The following MSANTD1 variants were observed in gnomAD, a reference collection of about 807,000 sequenced individuals.
MSANTD1 encodes the protein Myb/SANT DNA binding domain containing 1.
A neutral mutation model predicts 24.2 loss-of-function variants in MSANTD1; 7 were observed. The ratio of observed to expected loss-of-function variants is 0.29; its 90% CI spans 0.16 to 0.54. MSANTD1 has a LOEUF of 0.54. Among genes scored for constraint, MSANTD1 ranks in the 20% least tolerant of loss-of-function variants. The pLI is 0.94. For missense variants in MSANTD1, 384 were observed against 408.2 expected, an observed-to-expected ratio of 0.94 and a Z score of 0.51; for synonymous variants, 177 against 181.1, an observed-to-expected ratio of 0.98 and a Z score of 0.18.
intron 1 of MSANTD1, among the ~76,000 whole-genome samples, chr4:3,251,693 CTTT>C (rs59741098): frequency 7.3e-6 from 1 of 137,584 alleles, no homozygotes; most frequent in Non-Finnish European, 1.6e-5. Flanking sequence ...TTTTCTTTTT[CTTT>C]TTTTTTTTTT....
At chr4:3,247,083 C>T (rs554741968), upstream of MSANTD1, among the ~76,000 whole-genome samples, 3 of 152,250 alleles carry the variant, frequency 2.0e-5, no homozygotes, top group East Asian at 5.8e-4. Context: ...GGACAGTAGG[C>T]CTGACGCTGT....
At position 3,253,457 on chromosome 4, in the gene MSANTD1, T is replaced by C. The variant is rs769176922; in HGVS notation, c.571T>C (p.Ser191Pro). Reference protein sequence around the residue: ...RFEDDRSDSSSSLLSLKFRSE... With the variant: ...RFEDDRSDSSPSLLSLKFRSE... ...CGAGGATGATCGCTCCGACAGCTCCTCCAGCTTACTGTCCCTTAAGTTCAG... is the reference window on the plus strand; with the variant it reads ...CGAGGATGATCGCTCCGACAGCTCCCCCAGCTTACTGTCCCTTAAGTTCAG... The change falls in exon 2 of 3, where the codon TCC (serine) becomes CCC (proline). Residue 191 changes from serine to proline, a missense_variant. Coordinates refer to ENST00000438480, the MANE Select transcript of MSANTD1 (RefSeq NM_001042690.2). 6.4e-7 allele frequency: 1 copy of C among 1,572,068 alleles called. No individual in the cohort carries two copies. Among genetic ancestry groups the C allele is most frequent in the Non-Finnish European group, 8.7e-7 (1 of 1,154,120 alleles).
chr4:3,252,517 G>A (rs1448079601), intron 1 of MSANTD1, among the ~76,000 whole-genome samples: 1 of 152,234 alleles, frequency 6.6e-6, no homozygotes, highest in Middle Eastern at 3.2e-3. Context: ...AACCAAGAAT[G>A]GCATGGGAGC....
At chr4:3,255,054 C>T (rs917586532) in intron 2 of MSANTD1, among the ~76,000 whole-genome samples, 1 of 152,172 alleles carries the variant, frequency 6.6e-6, no homozygotes, top group African/African-American at 2.4e-5. Flanking sequence ...GGCTGAGCCC[C>T]CACCTGCCCA....
chr4:3,250,644 C>T (rs990288015), intron 1 of MSANTD1, among the ~76,000 whole-genome samples: 4 of 152,184 alleles, frequency 2.6e-5, no homozygotes, highest in East Asian at 1.9e-4. Context: ...AGAGAGCACC[C>T]GGCCCTGTGG....
chr4:3,250,991 G>A (rs1722209219), intron 1 of MSANTD1, among the ~76,000 whole-genome samples: 1 of 152,262 alleles, frequency 6.6e-6, no homozygotes, highest in Non-Finnish European at 1.5e-5. Context: ...AGGGGTCCGG[G>A]GCCTGGCCCT....
chr4:3,251,677 TTTTTTTTTTCTTTTTC>T (rs1198736955), intron 1 of MSANTD1, among the ~76,000 whole-genome samples: 6 of 147,330 alleles, frequency 4.1e-5, no homozygotes, highest in African/African-American at 1.3e-4. Flanking sequence ...GAGGCTTTTC[TTTTTTTTTTCTTTTTC>T]TTTTTTTTTT....
intron 1 of MSANTD1, among the ~76,000 whole-genome samples, chr4:3,252,041 C>T (rs187069029): frequency 6.6e-5 from 10 of 152,364 alleles, no homozygotes; most frequent in East Asian, 1.9e-4. Context: ...TTGTTTCCAA[C>T]GGCCAATGGC....
chr4:3,246,691 G>A (rs540573207), upstream of MSANTD1: 78 of 695,450 alleles, frequency 1.1e-4, no homozygotes, highest in South Asian at 1.1e-3. Flanking sequence ...CTCCCCAGCA[G>A]GGGACAGATG....
upstream of MSANTD1, chr4:3,244,720 G>T (rs564418395): frequency 1.3e-5 from 2 of 152,374 alleles, no homozygotes; most frequent in South Asian, 4.1e-4. Context: ...TTCCTCTGGT[G>T]CAGGGTATTT....
At chr4:3,249,110 C>T (rs1416138746), upstream of MSANTD1, 2 of 986,572 alleles carry the variant, frequency 2.0e-6, no homozygotes, top group Non-Finnish European at 2.7e-6. Flanking sequence ...AACGTGACAT[C>T]AAAATGACGT....
At chr4:3,248,830 CCTCT>C (rs1337687497), upstream of MSANTD1, 1 of 179,314 alleles carries the variant, frequency 5.6e-6, no homozygotes, top group Non-Finnish European at 1.2e-5. Flanking sequence ...CGTCGCTCGT[CCTCT>C]CTGTTTCTCC....
At chr4:3,250,301 T>TAG in intron 1 of MSANTD1, among the ~76,000 whole-genome samples, 1 of 152,158 alleles carries the variant, frequency 6.6e-6, no homozygotes, top group African/African-American at 2.4e-5. Flanking sequence ...CTTCCTGCCC[T>TAG]GGCAACCTGC....
intron 2 of MSANTD1, among the ~76,000 whole-genome samples, chr4:3,255,227 CTTTTTCTTTT>C (rs1722349735): frequency 6.6e-6 from 1 of 150,954 alleles, no homozygotes; most frequent in Non-Finnish European, 1.5e-5. Context: ...CTCTTTCTTT[CTTTTTCTTTT>C]TTTTTTTTTT....
chr4:3,252,490 G>T (rs1223630053), intron 1 of MSANTD1, among the ~76,000 whole-genome samples: 1 of 152,226 alleles, frequency 6.6e-6, no homozygotes, highest in Admixed American at 6.5e-5. Flanking sequence ...CTAGGCTCCT[G>T]CCCAGACTGT....
rs748454180 is a variant in MSANTD1, at chr4:3,253,470, C to T, written c.584C>T (p.Ser195Phe). Residue 195 changes from serine to phenylalanine, a missense_variant, in exon 2 of 3, where the codon TCC becomes TTC. Coordinates refer to ENST00000438480, the MANE Select transcript of MSANTD1 (RefSeq NM_001042690.2). ...TCCGACAGCTCCTCCAGCTTACTGT[C>T]CCTTAAGTTCAGGTAGTGTGTCTGC... is the stretch of plus-strand genomic sequence containing the variant. ...DRSDSSSSLL[S>F]LKFRSEERPV... 14 of 1,559,228 alleles carry T rather than the reference C, an allele frequency of 9.0e-6. No homozygotes were observed. Among genetic ancestry groups the T allele is most frequent in the Non-Finnish European group, 1.2e-5 (14 of 1,147,126 alleles).
intron 1 of MSANTD1, 29 bp downstream of exon 1, chr4:3,249,571 C>T (rs1174108450): frequency 6.3e-7 from 1 of 1,583,582 alleles, no homozygotes; most frequent in Non-Finnish European, 8.6e-7. Flanking sequence ...TGGGCCCCAC[C>T]AGGACGGGCG....
At position 3,253,371 on chromosome 4, in the gene MSANTD1, C is replaced by T. The variant is rs750408384; in HGVS notation, c.485C>T (p.Pro162Leu). 8.1e-6 allele frequency: 13 copies of T among 1,611,104 alleles called. No individual in the cohort carries two copies. The highest frequency in any genetic ancestry group is 1.6e-4 in the Middle Eastern group (1 of 6,082). Residue 162 changes from proline to leucine, a missense_variant, in exon 2 of 3, where the codon CCG becomes CTG. By Grantham distance (98) the Pro-to-Leu change is moderately conservative (BLOSUM62 -3). Coordinates refer to ENST00000438480, the MANE Select transcript of MSANTD1 (RefSeq NM_001042690.2). The stretch of plus-strand genomic sequence containing the variant: ...TCCCAGACCGAGGCGTCCCTGTCGC[C>T]GCCCGCTAAGTCCACCCCTCTGTAC... ...STSQTEASLS[P>L]PAKSTPLYFP...
rs771118094 is a variant in MSANTD1 at position 3,255,979 on chromosome 4, G to A, written c.*14G>A. Reference sequence around the variant, plus strand: ...TCCAGCGTCTAGGCCAGCAGGCGGCGGCGGCGGCGGGGCCGGGCGGCTGGT... The same window carrying A: ...TCCAGCGTCTAGGCCAGCAGGCGGCAGCGGCGGCGGGGCCGGGCGGCTGGT... On this transcript the variant is annotated 3_prime_UTR_variant, in exon 3 of 3. Transcript: ENST00000438480. The A allele has an allele frequency of 4.2e-5, 63 of 1,498,826 alleles. No individual in the cohort carries two copies. The highest frequency in any genetic ancestry group is 4.7e-4 in the Middle Eastern group (2 of 4,218). The allele number at this position is 1,498,826 out of a possible 1,614,324, so 92.8% of individuals were successfully genotyped here. A position where few individuals can be genotyped will look rare whatever the true frequency, so the allele number is the denominator to read the frequency against.
Sources: gnomAD v4.1 joint callset for allele counts (sites outside exome capture counted in the v4.1 genomes callset) on GRCh38, gnomAD v4.1.1 for gene constraint, MANE v1.5 for transcripts, NCBI Gene and HGNC (gene_info 2026-07-23, HGNC 2026-07-21) for gene names.